The following AKNA variants were observed in gnomAD, a reference collection of about 807,000 sequenced individuals.
The protein encoded by AKNA is microtubule organization protein AKNA.
A neutral mutation model predicts 138.8 loss-of-function variants in AKNA; 67 were observed. The observed-to-expected ratio is 0.48, with a 90% CI of 0.40 to 0.59. The LOEUF is 0.59. Ranked by LOEUF, AKNA falls within the 20% of genes least tolerant of loss-of-function variation. AKNA has a pLI of 0.00. For synonymous variants in AKNA, 737 were observed against 754.4 expected, an observed-to-expected ratio of 0.98 and a Z score of 0.38; for missense variants, 1,813 against 1,880.4, an observed-to-expected ratio of 0.96 and a Z score of 0.66.
rs371052364 is a variant in AKNA at position 114,383,010 on chromosome 9, G to A, written c.-113-1564C>T. The A allele has an allele frequency of 5.7e-5, 22 of 385,794 alleles. No individual in the cohort carries two copies. The East Asian group carries it at 1.3e-3, about 23-fold the overall frequency. The allele number at this position is 385,794 out of a possible 1,614,324, so 23.9% of individuals were successfully genotyped here. On this transcript the variant is annotated intron_variant, in intron 1 of 21. Transcript: ENST00000374088. ...AATTTCACCTCAATTTAAAGAAAAC[G>A]CCTTCCGAGTGAGGAGTGAGGCGAG...
chr9:114,347,952 C>A, intron 15 of AKNA, 52 bp from the exon 16 acceptor site: 4 of 1,530,166 alleles, frequency 2.6e-6, no homozygotes, highest in Admixed American at 2.2e-5. Context: ...AGGAACAGAG[C>A]TGCAGCCACC....
intron 4 of AKNA, among the ~76,000 whole-genome samples, chr9:114,370,554 C>G (rs920074223): frequency 3.3e-5 from 5 of 152,154 alleles, no homozygotes; most frequent in African/African-American, 1.2e-4. Flanking sequence ...GGGGTGGCAG[C>G]TGCAGCTGCT....
At position 114,355,996 on chromosome 9, in the gene AKNA, G is replaced by C. The variant is rs904849200; in HGVS notation, c.2987C>G (p.Ser996Cys). Residue 996 changes from serine (S) to cysteine (C), a missense_variant, in exon 14 of 22, where the codon TCC (serine) becomes TGC (cysteine). Ser to Cys is a moderately radical substitution (Grantham distance 112). Transcript: ENST00000374088. Reference protein sequence around the residue: ...TPRSQAQRYLSSPSGPLRQRA... With the variant: ...TPRSQAQRYLCSPSGPLRQRA... ...CTGCCGGAGAGGCCCACTTGGGCTGGAGAGGTACCTCTGTGCTTGGCTCCG... is the reference window on the plus strand; with the variant it reads ...CTGCCGGAGAGGCCCACTTGGGCTGCAGAGGTACCTCTGTGCTTGGCTCCG... 2 of 1,614,194 alleles carry C rather than the reference G, an allele frequency of 1.2e-6. No individual in the cohort carries two copies. The highest frequency in any genetic ancestry group is 1.1e-5 in the South Asian group (1 of 91,078).
At chr9:114,372,657 C>G (rs1441147103) in intron 4 of AKNA, among the ~76,000 whole-genome samples, 2 of 152,182 alleles carry the variant, frequency 1.3e-5, no homozygotes, top group African/African-American at 2.4e-5. Flanking sequence ...GTTTCCCAAT[C>G]TGCCAAATGG....
chr9:114,362,295 C>G, intron 8 of AKNA, 111 bp downstream of exon 8: 1 of 1,409,124 alleles, frequency 7.1e-7, no homozygotes. Flanking sequence ...TAAGATTTCT[C>G]TCTATTCCCC....
chr9:114,366,151 T>G (rs1187027341), intron 6 of AKNA, among the ~76,000 whole-genome samples: 2 of 151,846 alleles, frequency 1.3e-5, no homozygotes, highest in Non-Finnish European at 2.9e-5. Flanking sequence ...TGGTGGCGCG[T>G]GCCTGTAATC....
intron 21 of AKNA, among the ~76,000 whole-genome samples, chr9:114,339,304 G>A (rs927097983): frequency 2.0e-5 from 3 of 152,178 alleles, no homozygotes; most frequent in African/African-American, 4.8e-5. Flanking sequence ...GGCCCACTCC[G>A]CTTTCCAAAC....
chr9:114,358,617 C>T (rs935432109), intron 11 of AKNA, among the ~76,000 whole-genome samples: 5 of 151,908 alleles, frequency 3.3e-5, no homozygotes, highest in African/African-American at 9.7e-5. Flanking sequence ...GATCCACTTG[C>T]CTGCTAAATG....
rs753790931 is a variant in AKNA, at chr9:114,359,893, C to T, written c.2291+3G>A. On this transcript the variant is annotated splice_donor_region_variant and intron_variant, in intron 10 of 21. Coordinates refer to ENST00000374088, the MANE Select transcript of AKNA (RefSeq NM_001317950.2). ...ACCCTGGTCAGGTCCAGGTGGCACTCACCGCTCCATGAGGCCATGGTAAAC... is the reference window on the plus strand; with the variant it reads ...ACCCTGGTCAGGTCCAGGTGGCACTTACCGCTCCATGAGGCCATGGTAAAC... The T allele has an allele frequency of 6.2e-7, 1 of 1,614,174 alleles. No homozygotes were observed. The highest frequency in any genetic ancestry group is 1.7e-5 in the Admixed American group (1 of 60,020).
At chr9:114,367,065 A>T (rs1366142175) in intron 6 of AKNA, among the ~76,000 whole-genome samples, 2 of 152,210 alleles carry the variant, frequency 1.3e-5, no homozygotes, top group Non-Finnish European at 2.9e-5. Context: ...GTACAGTTAT[A>T]AACAGACCTG....
intron 19 of AKNA, among the ~76,000 whole-genome samples, chr9:114,343,344 C>T (rs569832034): frequency 6.6e-6 from 1 of 152,164 alleles, no homozygotes; most frequent in Non-Finnish European, 1.5e-5. Context: ...GAACCCATTG[C>T]CTGGATTATC....
At chr9:114,349,408 T>G (rs1830944918) in intron 15 of AKNA, among the ~76,000 whole-genome samples, 1 of 152,152 alleles carries the variant, frequency 6.6e-6, no homozygotes, top group Non-Finnish European at 1.5e-5. Context: ...TCCCTGAAGT[T>G]AATTAGTTAC....
intron 2 of AKNA, among the ~76,000 whole-genome samples, chr9:114,380,832 AT>A (rs1833593121): frequency 6.7e-6 from 1 of 149,410 alleles, no homozygotes; most frequent in Non-Finnish European, 1.5e-5. Flanking sequence ...AAAAAAAAAA[AT>A]ACAACCGGGC....
chr9:114,362,271 T>C, intron 8 of AKNA, 135 bp downstream of exon 8: 1 of 1,330,378 alleles, frequency 7.5e-7, no homozygotes, highest in Non-Finnish European at 1.0e-6. Flanking sequence ...TTTGGATATG[T>C]ATACTAATTA....
In AKNA at chr9:114,368,502, G is replaced by A. The variant is rs1264440686; in HGVS notation, c.1510C>T (p.Gln504Ter). ...GTKVLSFTIP[Q>*]PRSAEWWPGP... ...GGCCACCACTCTGCAGAGCGGGGCT[G>A]TGGGATGGTGAAGGACAAGACCTTG... The change falls in exon 5 of 22, where the codon CAG (glutamine) becomes TAG (stop). Residue 504 changes from glutamine to a stop codon, truncating the protein, a stop_gained. Coordinates refer to ENST00000374088, the MANE Select transcript of AKNA (RefSeq NM_001317950.2). LOFTEE classifies it high-confidence loss of function. 7.3e-7 allele frequency: 1 copy of A among 1,370,132 alleles called. No individual in the cohort carries two copies. The highest frequency in any genetic ancestry group is 1.5e-5 in the African/African-American group (1 of 66,954). The allele number at this position is 1,370,132 out of a possible 1,614,324, so 84.9% of individuals were successfully genotyped here.
intron 3 of AKNA, among the ~76,000 whole-genome samples, chr9:114,375,647 T>G (rs1833115029): frequency 6.6e-6 from 1 of 152,002 alleles, no homozygotes; most frequent in Non-Finnish European, 1.5e-5. Context: ...TGCCTGAAAT[T>G]TTGCTTCAAA....
chr9:114,376,688 A>G lies in AKNA; in HGVS notation c.1119T>C (p.Asp373=), dbSNP rs1589018279. Residue 373 remains aspartate, a synonymous_variant, in exon 3 of 22, where the codon GAT becomes GAC. Coordinates refer to ENST00000374088, the MANE Select transcript of AKNA (RefSeq NM_001317950.2). The part of the protein sequence containing the change: ...KVGPRVRFPK[D]ESYRPPKSRS... ...TGGACTTGGGGGGACGGTAGCTCTC[A>G]TCTTTGGGGAATCTCACCCGGGGCC... The G allele has an allele frequency of 6.2e-7, 1 of 1,612,816 alleles. No individual in the cohort carries two copies. The highest frequency in any genetic ancestry group is 1.7e-4 in the Middle Eastern group (1 of 6,046).
At chr9:114,370,590 C>G (rs1286406443) in intron 4 of AKNA, among the ~76,000 whole-genome samples, 1 of 152,192 alleles carries the variant, frequency 6.6e-6, no homozygotes, top group Non-Finnish European at 1.5e-5. Context: ...CAGGGCTGGT[C>G]TCTCTGGACA....
Position 114,357,935 on chromosome 9 carries a change from C to T in AKNA, c.2725G>A (p.Gly909Arg), listed in dbSNP as rs777580429. The T allele has an allele frequency of 3.1e-6, 5 of 1,597,944 alleles. No individual in the cohort carries two copies. Among genetic ancestry groups the T allele is most frequent in the African/African-American group, 1.4e-5 (1 of 73,532 alleles). ...TGGAGACTTACCTCCAGGTGGGGCC[C>T]ACCGCCTCGGTGCAAAGGCTTCTGT... ...LPQKPLHRGG[G>R]PHLEETWMAS... The change falls in exon 12 of 22, where the codon GGG (glycine) becomes AGG (arginine). Residue 909 changes from glycine to arginine, a missense_variant. By Grantham distance (125) the Gly-to-Arg change is moderately radical. Transcript: ENST00000374088.
Sources: allele counts gnomAD v4.1 joint callset (sites outside exome capture counted in the v4.1 genomes callset), GRCh38; gene constraint gnomAD v4.1.1; transcripts MANE v1.5; gene names NCBI Gene and HGNC (gene_info 2026-07-23, HGNC 2026-07-21).